MKLN1: variants seen among roughly 807,000 people sequenced by gnomAD.
The protein encoded by MKLN1 is muskelin 1, also known as muskelin.
A neutral mutation model predicts 99.0 loss-of-function variants in MKLN1; 18 were observed. The ratio of observed to expected loss-of-function variants is 0.18; its 90% confidence interval spans 0.13 to 0.27. The LOEUF (loss-of-function observed/expected upper bound fraction) is 0.27. Ranked by LOEUF, MKLN1 falls within the 10% of genes least tolerant of loss-of-function variation. The pLI, the probability that MKLN1 is intolerant of heterozygous loss-of-function variation, is 1.00. For synonymous variants in MKLN1, 288 were observed against 293.2 expected (o/e 0.98, Z 0.18); for missense variants, 621 against 875.9 (o/e 0.71, Z 3.67).
intron 1 of MKLN1, among the ~76,000 whole-genome samples, chr7:131,355,627 A>ATTATATATATATAT (rs1799849618): frequency 3.6e-5 from 3 of 83,154 alleles, no homozygotes; most frequent in African/African-American, 1.6e-4. Context: ...TTAACTTGAT[A>ATTATATATATATAT]CTATATATAT....
chr7:131,272,857 C>T (rs544876444), intron 3 of MKLN1, among the ~76,000 whole-genome samples: 27 of 152,304 alleles, frequency 1.8e-4, no homozygotes, highest in African/African-American at 5.8e-4. Flanking sequence ...CTCCCCGGGT[C>T]CCTCCCACAA....
chr7:131,295,660 G>A (rs1010074678), intron 3 of MKLN1, among the ~76,000 whole-genome samples: 12 of 152,118 alleles, frequency 7.9e-5, no homozygotes, highest in Non-Finnish European at 1.6e-4. Flanking sequence ...AAGGTGGGAA[G>A]ATCACTTGAG....
chr7:131,395,360 A>G (rs532836278), intron 4 of MKLN1, among the ~76,000 whole-genome samples: 379 of 152,154 alleles, frequency 2.5e-3, no homozygotes, highest in Non-Finnish European at 4.5e-3. Context: ...TTTATATGCA[A>G]ATCTCATTTT....
intron 4 of MKLN1, among the ~76,000 whole-genome samples, chr7:131,393,992 A>G (rs1279338000): frequency 6.6e-6 from 1 of 150,710 alleles, no homozygotes; most frequent in Non-Finnish European, 1.5e-5. Flanking sequence ...GGTGACATAT[A>G]TAGACTATAT....
At chr7:131,310,765 A>G (rs324279) in intron 3 of MKLN1, 1 of 152,172 alleles carries the variant, frequency 6.6e-6, no homozygotes, top group Non-Finnish European at 1.5e-5. Context: ...AAGTGTCTCC[A>G]ATTATATCCT....
rs553261565 is a variant in MKLN1 at position 131,126,356 on chromosome 7, T to C, written c.-419+16149T>C. Among the ~76,000 whole-genome samples, 53 of 152,318 alleles carry C rather than the reference T, an allele frequency of 3.5e-4. 1 individual carries two copies. Among genetic ancestry groups the C allele is most frequent in the African/African-American group, 1.3e-3 (53 of 41,572 alleles). On this transcript the variant is annotated intron_variant, in intron 1 of 7. Transcript: ENST00000416992. ...TAATAAAGAAGGAAGGATAGTACCA[T>C]TGAATGGGGCAGACTGTCATATGTG...
chr7:131,428,941 T>A lies in MKLN1; in HGVS notation c.848-92T>A. 9.1e-6 allele frequency: 8 copies of A among 874,708 alleles called. No individual in the cohort carries two copies. In the South Asian group the frequency reaches 9.7e-5, roughly 11 times the overall value. 54.2% of individuals were successfully genotyped at this position (874,708 alleles called of 1,614,324 possible). On this transcript the variant is annotated intron_variant, in intron 8 of 17. Transcript: ENST00000352689. Reference sequence around the variant, plus strand: ...TTTTAAAATTTATTTAGATGTAGCTTCTTAAGTGGCCTTAGAAACAGCTGG... The same window carrying A: ...TTTTAAAATTTATTTAGATGTAGCTACTTAAGTGGCCTTAGAAACAGCTGG...
intron 1 of MKLN1, among the ~76,000 whole-genome samples, chr7:131,128,205 C>CA (rs11339275): frequency 0.025 from 2,084 of 85,034 alleles, 75 homozygotes; most frequent in East Asian, 0.19. Context: ...GCCTCTGATT[C>CA]AAAAAAAAAA....
chr7:131,277,458 A>G (rs761601777), intron 3 of MKLN1, among the ~76,000 whole-genome samples: 22 of 152,078 alleles, frequency 1.4e-4, no homozygotes, highest in East Asian at 5.8e-4. Flanking sequence ...TAATTTTTGT[A>G]TTTTTAGTAG....
At chr7:131,173,140 A>AACACAC (rs56672099) in intron 2 of MKLN1, among the ~76,000 whole-genome samples, 3,729 of 150,082 alleles carry the variant, frequency 0.025, 44 homozygotes, top group Middle Eastern at 0.037. Context: ...TGTATATACA[A>AACACAC]ACACACACAC....
upstream of MKLN1, among the ~76,000 whole-genome samples, chr7:131,325,127 T>G (rs1439246473): frequency 6.6e-6 from 1 of 152,142 alleles, no homozygotes; most frequent in East Asian, 1.9e-4. Context: ...AAATATTTAC[T>G]GAACATCTTT....
intron 1 of MKLN1, among the ~76,000 whole-genome samples, chr7:131,122,671 C>T (rs1459803309): frequency 1.3e-5 from 2 of 152,122 alleles, no homozygotes; most frequent in African/African-American, 4.8e-5. Context: ...CAGGAAGAGA[C>T]GTCTAACCTC....
intron 1 of MKLN1, among the ~76,000 whole-genome samples, chr7:131,142,461 C>T (rs938240443): frequency 6.6e-6 from 1 of 150,450 alleles, no homozygotes; most frequent in Non-Finnish European, 1.5e-5. Context: ...TTAGGCCGGT[C>T]GCGGTGGCTC....
At chr7:131,155,713 T>C (rs747382279) in intron 2 of MKLN1, among the ~76,000 whole-genome samples, 12 of 152,196 alleles carry the variant, frequency 7.9e-5, no homozygotes, top group Non-Finnish European at 1.6e-4. Flanking sequence ...TCGTCTGGCC[T>C]AACCCCTTCA....
chr7:131,471,905 CAA>C (rs139190572), intron 16 of MKLN1: 1 of 152,348 alleles, frequency 6.6e-6, no homozygotes, highest in Non-Finnish European at 1.5e-5. Flanking sequence ...AGCACCATAA[CAA>C]AGAGATACTC....
chr7:131,383,115 T>C (rs537386119), intron 2 of MKLN1, among the ~76,000 whole-genome samples: 30 of 152,342 alleles, frequency 2.0e-4, no homozygotes, highest in African/African-American at 7.0e-4. Context: ...GAATGGATAT[T>C]GAATTTTGTT....
chr7:131,437,799 C>T lies in MKLN1; in HGVS notation c.975C>T (p.Ala325=). 1.9e-6 allele frequency: 3 copies of T among 1,612,712 alleles called. 1 individual carries two copies. ...TCTCTCTACAGAATGGTCCTAGTGC[C>T]AGATCGTGTCATAAAATGTGCATTG... ...RDTEKENGPS[A]RSCHKMCIDI... is the part of the protein sequence containing the mutation. Residue 325 remains alanine, a synonymous_variant, in exon 10 of 18, where the codon GCC becomes GCT. Transcript: ENST00000352689.
intron 1 of MKLN1, among the ~76,000 whole-genome samples, chr7:131,352,326 C>T (rs751182420): frequency 5.3e-5 from 8 of 151,954 alleles, no homozygotes; most frequent in South Asian, 4.1e-4. Context: ...ATGCTTTAGT[C>T]GAAGAATGAT....
chr7:131,167,741 A>G (rs892679599), intron 2 of MKLN1, among the ~76,000 whole-genome samples: 2 of 152,168 alleles, frequency 1.3e-5, no homozygotes, highest in Admixed American at 6.5e-5. Context: ...TATTTATGAT[A>G]TCAAGAAATT....
Sources: gnomAD v4.1 joint callset for allele counts (sites outside exome capture counted in the v4.1 genomes callset) on GRCh38, gnomAD v4.1.1 for gene constraint, MANE v1.5 for transcripts, NCBI Gene and HGNC (gene_info 2026-07-23, HGNC 2026-07-21) for gene names.